Variants in SPAG17 observed in about 807,000 individuals in gnomAD.
SPAG17 encodes sperm associated antigen 17, also known as sperm-associated antigen 17.
Under a neutral mutation model 273.6 loss-of-function variants are expected in SPAG17, and 169 were observed. The ratio of observed to expected loss-of-function variants is 0.62; its 90% CI spans 0.55 to 0.70. SPAG17 has a LOEUF of 0.70. Ranked by LOEUF, SPAG17 falls within the 30% of genes least tolerant of loss-of-function variation. SPAG17 has a pLI of 0.00. For missense variants in SPAG17, 2,557 were observed against 2,627.8 expected, an observed-to-expected ratio of 0.97 and a Z score of 0.59; for synonymous variants, 825 against 873.2, an observed-to-expected ratio of 0.94 and a Z score of 0.97.
At chr1:118,068,942 G>A (rs760370360) in intron 17 of SPAG17, among the ~76,000 whole-genome samples, 3 of 152,216 alleles carry the variant, frequency 2.0e-5, no homozygotes, top group South Asian at 2.1e-4. Flanking sequence ...AGGTGTGTCC[G>A]AAAAGATGAA....
intron 36 of SPAG17, 52 bp from the exon 37 acceptor site, chr1:117,991,580 G>A: frequency 2.6e-6 from 3 of 1,159,100 alleles, no homozygotes; most frequent in South Asian, 1.4e-5. Flanking sequence ...TAGGAAGAGA[G>A]AGATACAAAA....
intron 17 of SPAG17, among the ~76,000 whole-genome samples, chr1:118,068,079 A>G (rs902787967): frequency 2.6e-5 from 4 of 152,004 alleles, no homozygotes; most frequent in African/African-American, 9.7e-5. Context: ...TTTGTTTTCA[A>G]TATCAATTTG....
At chr1:118,109,180 T>C (rs991869012) in intron 4 of SPAG17, among the ~76,000 whole-genome samples, 1 of 151,216 alleles carries the variant, frequency 6.6e-6, no homozygotes, top group Non-Finnish European at 1.5e-5. Context: ...TCTTGTTCTG[T>C]TGTCAGACTG....
chr1:118,030,706 C>G (rs916991817), intron 25 of SPAG17, among the ~76,000 whole-genome samples: 3 of 152,060 alleles, frequency 2.0e-5, no homozygotes, highest in African/African-American at 7.2e-5. Flanking sequence ...GTTTTCTGTT[C>G]CTGTGTTAGT....
intron 28 of SPAG17, among the ~76,000 whole-genome samples, chr1:118,020,575 C>G (rs1460229518): frequency 6.6e-6 from 1 of 151,770 alleles, no homozygotes; most frequent in African/African-American, 2.4e-5. Flanking sequence ...AATGACAGAA[C>G]TATAAAAAAG....
intron 3 of SPAG17, among the ~76,000 whole-genome samples, chr1:118,117,003 G>A (rs1445021309): frequency 6.6e-6 from 1 of 152,216 alleles, no homozygotes; most frequent in Non-Finnish European, 1.5e-5. Flanking sequence ...GATCCTAAGG[G>A]GATGGAGGTC....
In SPAG17 at chr1:118,021,496, G is replaced by A. The variant is rs187123284; in HGVS notation, c.4069+1808C>T. On this transcript the variant is annotated intron_variant, in intron 28 of 48. Transcript: ENST00000336338. The stretch of plus-strand genomic sequence containing the variant: ...CAAAATTATTCTGTATGATACATGA[G>A]ACATAGAATGTACAACACCAAGAGT... Among the ~76,000 whole-genome samples the A allele has an allele frequency of 5.3e-5, 8 of 152,220 alleles. No individual in the cohort carries two copies. In the East Asian group the frequency reaches 1.3e-3, roughly 26 times the overall value.
intron 21 of SPAG17, 151 bp downstream of exon 21, chr1:118,041,652 G>T (rs1409945205): frequency 2.0e-5 from 20 of 995,662 alleles, no homozygotes; most frequent in Non-Finnish European, 3.0e-5. Flanking sequence ...AGGTATCAGG[G>T]GTGGAATACA....
intron 23 of SPAG17, among the ~76,000 whole-genome samples, chr1:118,038,267 A>G (rs1302461185): frequency 6.6e-6 from 1 of 152,184 alleles, no homozygotes; most frequent in African/African-American, 2.4e-5. Context: ...GAAAATCTAA[A>G]ACAGAAAATA....
chr1:118,120,122 C>T (rs1243731831), intron 3 of SPAG17, among the ~76,000 whole-genome samples: 1 of 152,088 alleles, frequency 6.6e-6, no homozygotes, highest in Non-Finnish European at 1.5e-5. Context: ...TCCGTTCCCC[C>T]ACTTCCCATA....
At chr1:118,124,482 C>T (rs1274885921) in intron 3 of SPAG17, among the ~76,000 whole-genome samples, 1 of 152,210 alleles carries the variant, frequency 6.6e-6, no homozygotes, top group Admixed American at 6.5e-5. Context: ...AGTATATTCA[C>T]TCCTTAAATA....
rs544555521 is a variant in SPAG17 at position 118,027,484 on chromosome 1, T to C, written c.3730+790A>G. 1.2e-4 allele frequency among the ~76,000 whole-genome samples: 18 copies of C among 152,330 alleles called. No individual in the cohort carries two copies. In the South Asian group the frequency reaches 3.7e-3, roughly 32 times the overall value. On this transcript the variant is annotated intron_variant, in intron 26 of 48. Transcript: ENST00000336338. ...AAACTGTAAAGAATTGCTGATGTTATGTAATATTTATCAGATAAGAAAACA... is the reference window on the plus strand; with the variant it reads ...AAACTGTAAAGAATTGCTGATGTTACGTAATATTTATCAGATAAGAAAACA...
intron 3 of SPAG17, among the ~76,000 whole-genome samples, chr1:118,143,145 C>A (rs1311957868): frequency 1.3e-5 from 2 of 152,158 alleles, no homozygotes; most frequent in South Asian, 2.1e-4. Flanking sequence ...GCAGATATAC[C>A]TTCATGTTTT....
chr1:118,144,606 T>C (rs951674324), intron 3 of SPAG17, among the ~76,000 whole-genome samples: 2 of 152,226 alleles, frequency 1.3e-5, no homozygotes, highest in Non-Finnish European at 2.9e-5. Flanking sequence ...CTTTAAAAAA[T>C]GTTCCATCAG....
chr1:118,124,612 A>C (rs758231052), intron 3 of SPAG17, among the ~76,000 whole-genome samples: 8 of 152,248 alleles, frequency 5.3e-5, no homozygotes, highest in Non-Finnish European at 1.0e-4. Flanking sequence ...GTAGGTGCTC[A>C]GACTGTGTAA....
intron 7 of SPAG17, among the ~76,000 whole-genome samples, chr1:118,095,265 A>G (rs1341087640): frequency 6.6e-6 from 1 of 152,210 alleles, no homozygotes; most frequent in Non-Finnish European, 1.5e-5. Flanking sequence ...TGTATACCAC[A>G]GTGTTCACAT....
In SPAG17 at chr1:117,996,507, GA is replaced by G. The variant is rs752444738; in HGVS notation, c.4923-8del. ...AGCATACATAACAAAAAACCTATTTGAAGAAATAAAAATATAATCACTTCAA... is the reference window on the plus strand; with the variant it reads ...AGCATACATAACAAAAAACCTATTTGAGAAATAAAAATATAATCACTTCAA... On this transcript the variant is annotated splice_polypyrimidine_tract_variant and splice_region_variant and intron_variant, in intron 33 of 48. Coordinates refer to ENST00000336338, the MANE Select transcript of SPAG17 (RefSeq NM_206996.4). The G allele has an allele frequency of 1.1e-5, 18 of 1,608,138 alleles. No individual in the cohort carries two copies. In the East Asian group the frequency reaches 1.3e-4, roughly 12 times the overall value.
At chr1:118,070,564 T>G (rs1195828436) in intron 17 of SPAG17, among the ~76,000 whole-genome samples, 1 of 152,072 alleles carries the variant, frequency 6.6e-6, no homozygotes, top group Non-Finnish European at 1.5e-5. Flanking sequence ...AAAAGGGAAT[T>G]GTGTAAAAGC....
rs549353915 is a variant in SPAG17 at position 117,954,689 on chromosome 1, A to G, written c.*1-640T>C. On this transcript the variant is annotated intron_variant, in intron 48 of 48. Transcript: ENST00000336338. ...AAAAGGTTACTTACAAGGACAAGAA[A>G]GGAAGTAGAGGCATTATGATTTGGG... 89 of 1,502,670 alleles carry G rather than the reference A, an allele frequency of 5.9e-5. No individual in the cohort carries two copies. In the South Asian group the frequency reaches 9.8e-4, roughly 17 times the overall value. 93.1% of individuals were successfully genotyped at this position (1,502,670 alleles called of 1,614,324 possible).
Sources: allele counts gnomAD v4.1 joint callset (sites outside exome capture counted in the v4.1 genomes callset), GRCh38; gene constraint gnomAD v4.1.1; transcripts MANE v1.5; gene names NCBI Gene and HGNC (gene_info 2026-07-23, HGNC 2026-07-21).